Variants in IGFBP4 observed in about 807,000 individuals in gnomAD.
The protein encoded by IGFBP4 is insulin like growth factor binding protein 4, also known as insulin-like growth factor-binding protein 4.
In IGFBP4, 9 loss-of-function variants were observed where a neutral mutation model predicts 25.8. That is an observed-to-expected ratio of 0.35 (90% CI 0.21 to 0.61). The LOEUF is 0.61. Among genes scored for constraint, IGFBP4 ranks in the 20% least tolerant of loss-of-function variants. The probability of loss-of-function intolerance (pLI) is 0.77; values close to 1 mark genes in which losing one functional copy is unlikely to be tolerated. For synonymous variants in IGFBP4, 153 were observed against 153.9 expected (o/e 0.99, Z 0.05); for missense variants, 315 against 365.3 (o/e 0.86, Z 1.12).
chr17:40,447,080 T>G (rs1350943982), intron 1 of IGFBP4, among the ~76,000 whole-genome samples: 1 of 152,256 alleles, frequency 6.6e-6, no homozygotes, highest in Non-Finnish European at 1.5e-5. Flanking sequence ...TGTCTATTTT[T>G]TCTGCCTTTT....
At chr17:40,449,364 C>A (rs1246062677) in intron 1 of IGFBP4, among the ~76,000 whole-genome samples, 1 of 152,108 alleles carries the variant, frequency 6.6e-6, no homozygotes, top group Non-Finnish European at 1.5e-5. Context: ...GCCTGTAATC[C>A]TAGCACTTTG....
At chr17:40,451,792 G>A (rs575936035) in intron 1 of IGFBP4, among the ~76,000 whole-genome samples, 26 of 152,112 alleles carry the variant, frequency 1.7e-4, no homozygotes, top group Non-Finnish European at 2.9e-4. Context: ...TTACAGTTCT[G>A]GGACTCAAGC....
At chr17:40,451,801 G>A (rs1014415162) in intron 1 of IGFBP4, among the ~76,000 whole-genome samples, 2 of 152,140 alleles carry the variant, frequency 1.3e-5, no homozygotes, top group Non-Finnish European at 2.9e-5. Context: ...TGGGACTCAA[G>A]CATGGGGTTT....
At chr17:40,454,199 T>C in intron 3 of IGFBP4, 137 bp downstream of exon 3, 7 of 1,266,428 alleles carry the variant, frequency 5.5e-6, no homozygotes, top group Non-Finnish European at 7.4e-6. Flanking sequence ...GGAGCCTCCC[T>C]AAACCTACCT....
intron 1 of IGFBP4, among the ~76,000 whole-genome samples, chr17:40,452,750 A>G (rs72819626): frequency 0.034 from 5,172 of 152,036 alleles, 96 homozygotes; most frequent in African/African-American, 0.056. Flanking sequence ...CGCTGGCCTG[A>G]GTGGGGTGAG....
intron 1 of IGFBP4, among the ~76,000 whole-genome samples, chr17:40,444,557 C>T (rs963624273): frequency 6.6e-6 from 1 of 151,924 alleles, no homozygotes; most frequent in Admixed American, 6.6e-5. Flanking sequence ...TTTACATGGT[C>T]CAGTGGTGGA....
intron 1 of IGFBP4, among the ~76,000 whole-genome samples, chr17:40,449,024 G>A (rs1381003947): frequency 3.3e-5 from 5 of 152,174 alleles, no homozygotes; most frequent in Non-Finnish European, 7.3e-5. Context: ...GACTAAGGAG[G>A]GAGCTACTCT....
rs1329672316 is a variant in IGFBP4 at position 40,453,330 on chromosome 17, A to G, written c.507+188A>G. Among the ~76,000 whole-genome samples, 2 of 152,204 alleles carry G rather than the reference A, an allele frequency of 1.3e-5. No homozygotes were observed. The highest frequency in any genetic ancestry group is 2.9e-5 in the Non-Finnish European group (2 of 68,030). Reference sequence around the variant, plus strand: ...GTGTGAGTCATCAGGACCCAGAGAAAGCACTCATTCCCTTCCTTGGGATTC... The same window carrying G: ...GTGTGAGTCATCAGGACCCAGAGAAGGCACTCATTCCCTTCCTTGGGATTC... On this transcript the variant is annotated intron_variant, in intron 2 of 3. Transcript: ENST00000269593. This position sits in a 1 kb window ranked among gnomAD's most constrained non-coding sequence, Gnocchi z 4.0.
intron 1 of IGFBP4, among the ~76,000 whole-genome samples, chr17:40,446,076 G>A (rs1168157349): frequency 6.6e-6 from 1 of 151,286 alleles, no homozygotes; most frequent in African/African-American, 2.4e-5. Flanking sequence ...TGGGTGTGGA[G>A]GTTCATGCTT....
At chr17:40,455,313 A>G (rs910107989) in intron 3 of IGFBP4, among the ~76,000 whole-genome samples, 3 of 151,600 alleles carry the variant, frequency 2.0e-5, no homozygotes, top group Non-Finnish European at 4.4e-5. Context: ...GCAAAATTCT[A>G]TGCATTTTCT....
rs1306582611 is a variant in IGFBP4, at chr17:40,453,159, C to T, written c.507+17C>T. The T allele has an allele frequency of 2.0e-6, 3 of 1,509,310 alleles. No individual in the cohort carries two copies. In the Admixed American group the frequency reaches 6.4e-5, roughly 32 times the overall value. 93.5% of individuals were successfully genotyped at this position (1,509,310 alleles called of 1,614,324 possible). ...CGGCCTGTGGTAAGGACCTCCGATG[C>T]ACAAATGTGCATGTGCATAGACACA... On this transcript the variant is annotated intron_variant, in intron 2 of 3. Coordinates refer to ENST00000269593, the MANE Select transcript of IGFBP4 (RefSeq NM_001552.3). This position sits in a 1 kb window ranked among gnomAD's most constrained non-coding sequence, Gnocchi z 4.0.
Position 40,453,217 on chromosome 17 carries a change from C to A in IGFBP4, c.507+75C>A, listed in dbSNP as rs534843998. ...ACATGCCCCCTGCCCCCCACATGCA[C>A]GCACCCACACACACCATCACCACCA... is the stretch of plus-strand genomic sequence containing the variant. On this transcript the variant is annotated intron_variant, in intron 2 of 3. Coordinates refer to ENST00000269593, the MANE Select transcript of IGFBP4 (RefSeq NM_001552.3). This position sits in a 1 kb window ranked among gnomAD's most constrained non-coding sequence, Gnocchi z 4.0. 2 of 1,108,008 alleles carry A rather than the reference C, an allele frequency of 1.8e-6. No homozygotes were observed. Among genetic ancestry groups the A allele is most frequent in the Non-Finnish European group, 1.2e-6 (1 of 818,510 alleles). 68.6% of individuals were successfully genotyped at this position (1,108,008 alleles called of 1,614,324 possible). A position where few individuals can be genotyped will look rare whatever the true frequency, so the allele number is the denominator to read the frequency against.
At chr17:40,449,595 A>G (rs2035670635) in intron 1 of IGFBP4, among the ~76,000 whole-genome samples, 1 of 152,136 alleles carries the variant, frequency 6.6e-6, no homozygotes, top group African/African-American at 2.4e-5. Flanking sequence ...AAAAATACAA[A>G]AAAATTAGCT....
At chr17:40,447,064 G>C (rs2035651953) in intron 1 of IGFBP4, among the ~76,000 whole-genome samples, 3 of 152,256 alleles carry the variant, frequency 2.0e-5, no homozygotes, top group Admixed American at 2.0e-4. Context: ...CTTGGTCGAG[G>C]GTACCTGTCT....
chr17:40,450,399 TGTG>T (rs2035675776), intron 1 of IGFBP4, among the ~76,000 whole-genome samples: 1 of 152,240 alleles, frequency 6.6e-6, no homozygotes, highest in African/African-American at 2.4e-5. Flanking sequence ...TGTCCTGGGC[TGTG>T]GCAAACAAGT....
intron 3 of IGFBP4, among the ~76,000 whole-genome samples, chr17:40,454,901 A>G (rs759507102): frequency 6.6e-5 from 10 of 152,084 alleles, no homozygotes; most frequent in Admixed American, 1.3e-4. Flanking sequence ...CAAATCCACA[A>G]TTTGAGCTGC....
chr17:40,448,447 C>G (rs1276259952), intron 1 of IGFBP4, among the ~76,000 whole-genome samples: 3 of 152,230 alleles, frequency 2.0e-5, no homozygotes, highest in Admixed American at 2.0e-4. Flanking sequence ...AGGACCAAGC[C>G]TACTTGGAAG....
rs747517061 is a variant in IGFBP4 at position 40,454,036 on chromosome 17, C to T, written c.616C>T (p.Arg206Cys). The T allele has an allele frequency of 1.1e-5, 18 of 1,612,434 alleles. 1 individual carries two copies. The highest frequency in any genetic ancestry group is 2.2e-5 in the East Asian group (1 of 44,678). ...CATCATCCCCATCCCCAACTGCGAC[C>T]GCAACGGCAACTTCCACCCCAAGCA... ...LYIIPIPNCDRNGNFHPKQCH... is the reference protein window; with the variant it reads ...LYIIPIPNCDCNGNFHPKQCH... The change falls in exon 3 of 4, where the codon CGC (arginine) becomes TGC (cysteine). Residue 206 changes from arginine (R) to cysteine (C), a missense_variant. By Grantham distance (180) the Arg-to-Cys change is radical. Coordinates refer to ENST00000269593, the MANE Select transcript of IGFBP4 (RefSeq NM_001552.3).
In IGFBP4 at chr17:40,456,539, G is replaced by C. The variant is rs768148577; in HGVS notation, c.733G>C (p.Gly245Arg). 7.4e-6 allele frequency: 12 copies of C among 1,613,490 alleles called. No homozygotes were observed. The highest frequency in any genetic ancestry group is 9.3e-6 in the Non-Finnish European group (11 of 1,179,896). The change falls in exon 4 of 4, where the codon GGG becomes CGG. Residue 245 changes from glycine to arginine, a missense_variant. Transcript: ENST00000269593. ...VKLPGGLEPK[G>R]ELDCHQLADS... is the part of the protein sequence containing the mutation. ...GCTTCCGGGGGGCCTGGAGCCAAAG[G>C]GGGAGCTGGACTGCCACCAGCTGGC...
Sources: allele counts gnomAD v4.1 joint callset (sites outside exome capture counted in the v4.1 genomes callset), GRCh38; gene constraint gnomAD v4.1.1; non-coding constraint Gnocchi (gnomAD v3.1); transcripts MANE v1.5; gene names NCBI Gene and HGNC (gene_info 2026-07-23, HGNC 2026-07-21).